The following SORCS1 variants were observed in gnomAD, a reference collection of about 807,000 sequenced individuals.
SORCS1 encodes the protein VPS10 domain-containing receptor SorCS1.
In SORCS1, 60 loss-of-function variants were observed where a neutral mutation model predicts 146.1. That is an observed-to-expected ratio of 0.41 (90% confidence interval 0.33 to 0.51). The LOEUF (loss-of-function observed/expected upper bound fraction) is 0.51, where lower values mean the gene tolerates loss of function less well. Among genes scored for constraint, SORCS1 ranks in the 20% least tolerant of loss-of-function variants. The probability of loss-of-function intolerance (pLI) is 0.21; values close to 1 mark genes in which losing one functional copy is unlikely to be tolerated. For synonymous variants in SORCS1, 637 were observed against 584.0 expected, an observed-to-expected ratio of 1.09 and a Z score of -1.31; for missense variants, 1,352 against 1,487.6, an observed-to-expected ratio of 0.91 and a Z score of 1.50.
chr10:107,055,775 C>G lies in SORCS1; in HGVS notation c.559-99195G>C, dbSNP rs556791150. 9.9e-5 allele frequency among the ~76,000 whole-genome samples: 15 copies of G among 152,078 alleles called. No homozygotes were observed. The South Asian group carries it at 2.9e-3, about 29-fold the overall frequency. The stretch of plus-strand genomic sequence containing the variant: ...CTTGTGGTTTCTTCAGAAATAGAGA[C>G]GAGATCAGGATATACCAGGCACCAG... On this transcript the variant is annotated intron_variant, in intron 1 of 25. Transcript: ENST00000263054.
At chr10:107,179,904 CTTTTTTTTTTT>C in the SORCS1 span, among the ~76,000 whole-genome samples, 5 of 51,284 alleles carry the variant, frequency 9.7e-5, no homozygotes, top group South Asian at 2.6e-3. Context: ...ACAAAACAGA[CTTTTTTTTTTT>C]TTTTTTTTTT....
chr10:106,673,136 CT>C (rs11397124), intron 14 of SORCS1, 151 bp from the exon 15 acceptor site: 6,666 of 436,634 alleles, frequency 0.015, no homozygotes, highest in South Asian at 0.023. Flanking sequence ...GAAGAGGGTA[CT>C]TTTTTTTTTT....
chr10:107,093,733 A>G lies in SORCS1; in HGVS notation c.558+70236T>C, dbSNP rs536075638. ...TCACTCCCTGTTTGAAATCTCCCTC[A>G]GAATAAAAGCCACATTCCCTATGGT... On this transcript the variant is annotated intron_variant, in intron 1 of 25. Coordinates refer to ENST00000263054, the MANE Select transcript of SORCS1 (RefSeq NM_052918.5). Among the ~76,000 whole-genome samples, 539 of 151,442 alleles carry G rather than the reference A, an allele frequency of 3.6e-3. 3 individuals carry two copies. The highest frequency in any genetic ancestry group is 6.1e-3 in the Non-Finnish European group (415 of 67,944).
chr10:107,088,757 A>T (rs1963955486), intron 1 of SORCS1, among the ~76,000 whole-genome samples: 1 of 152,212 alleles, frequency 6.6e-6, no homozygotes, highest in Non-Finnish European at 1.5e-5. Context: ...AGTTTGAGTT[A>T]CATAAATGGT....
chr10:106,924,764 A>ATTTTT (rs368269912), intron 2 of SORCS1, among the ~76,000 whole-genome samples: 2 of 99,914 alleles, frequency 2.0e-5, no homozygotes, highest in Admixed American at 1.0e-4. Flanking sequence ...AACTGCATGG[A>ATTTTT]TTTTTTTTTT....
chr10:106,902,559 G>T (rs535749334), intron 2 of SORCS1, among the ~76,000 whole-genome samples: 3 of 152,214 alleles, frequency 2.0e-5, no homozygotes, highest in East Asian at 1.9e-4. Context: ...TATATGGCAT[G>T]AACTTATTTT....
intron 1 of SORCS1, among the ~76,000 whole-genome samples, chr10:107,059,911 G>A (rs1961016310): frequency 6.6e-6 from 1 of 151,648 alleles, no homozygotes; most frequent in African/African-American, 2.4e-5. Context: ...TCTACTCACA[G>A]ACTTGAGAGT....
intron 18 of SORCS1, among the ~76,000 whole-genome samples, chr10:106,630,787 T>C (rs1848397161): frequency 6.6e-6 from 1 of 152,074 alleles, no homozygotes; most frequent in Non-Finnish European, 1.5e-5. Context: ...ATTGTAGGAT[T>C]CCAAATTTCC....
chr10:106,944,508 T>C (rs942984746), intron 2 of SORCS1, among the ~76,000 whole-genome samples: 2 of 152,210 alleles, frequency 1.3e-5, no homozygotes, highest in Non-Finnish European at 1.5e-5. Context: ...ACTTCTACTA[T>C]GGCACTTGAC....
chr10:107,178,504 T>A, the SORCS1 span, among the ~76,000 whole-genome samples: 74,912 of 145,138 alleles, frequency 0.52, 19,505 homozygotes, highest in Middle Eastern at 0.66. Flanking sequence ...ATATATATAT[T>A]TTTTTTTAAG....
chr10:107,143,415 C>G (rs939533366), intron 1 of SORCS1, among the ~76,000 whole-genome samples: 2 of 152,148 alleles, frequency 1.3e-5, no homozygotes, highest in Non-Finnish European at 2.9e-5. Context: ...GCAACTTACA[C>G]CTCCAGGGCT....
intron 24 of SORCS1, among the ~76,000 whole-genome samples, chr10:106,589,874 A>G (rs747944171): frequency 2.9e-5 from 4 of 136,138 alleles, no homozygotes; most frequent in Non-Finnish European, 4.5e-5. Flanking sequence ...AAACCCCAAA[A>G]TCCTTCTAGC....
intron 3 of SORCS1, among the ~76,000 whole-genome samples, chr10:106,800,777 G>C (rs1001705015): frequency 2.0e-5 from 3 of 152,072 alleles, no homozygotes; most frequent in Non-Finnish European, 4.4e-5. Context: ...TCCTGACCTT[G>C]TGATCTGCCT....
At chr10:106,861,784 G>C (rs1471604463) in intron 2 of SORCS1, among the ~76,000 whole-genome samples, 1 of 152,120 alleles carries the variant, frequency 6.6e-6, no homozygotes, top group Non-Finnish European at 1.5e-5. Flanking sequence ...AGCTACTCGG[G>C]AGGCTGAGGC....
At chr10:107,110,429 C>A (rs962060254) in intron 1 of SORCS1, among the ~76,000 whole-genome samples, 3 of 152,084 alleles carry the variant, frequency 2.0e-5, no homozygotes, top group African/African-American at 4.8e-5. Context: ...CCTCAGGGAG[C>A]TTTCAATCAT....
intron 17 of SORCS1, among the ~76,000 whole-genome samples, chr10:106,654,196 A>T (rs1426346846): frequency 1.1e-4 from 16 of 152,204 alleles, no homozygotes; most frequent in Admixed American, 1.0e-3. Flanking sequence ...ATATTTAGAG[A>T]GTGCTTACTA....
chr10:107,034,904 ACT>A (rs1958829555), intron 1 of SORCS1, among the ~76,000 whole-genome samples: 1 of 151,696 alleles, frequency 6.6e-6, no homozygotes, highest in Non-Finnish European at 1.5e-5. Flanking sequence ...TAATCTATTC[ACT>A]CATTTTTAAC....
At chr10:107,051,488 G>A (rs1960115973) in intron 1 of SORCS1, among the ~76,000 whole-genome samples, 1 of 152,076 alleles carries the variant, frequency 6.6e-6, no homozygotes, top group South Asian at 2.1e-4. Flanking sequence ...AACGCCAATG[G>A]GTGTATGAAG....
intron 2 of SORCS1, among the ~76,000 whole-genome samples, chr10:106,927,216 C>T (rs886475767): frequency 1.3e-5 from 2 of 152,092 alleles, no homozygotes; most frequent in African/African-American, 4.8e-5. Flanking sequence ...TTAAAGGCAG[C>T]GTGTCCGGAG....
Sources: allele counts gnomAD v4.1 joint callset (sites outside exome capture counted in the v4.1 genomes callset), GRCh38; gene constraint gnomAD v4.1.1; transcripts MANE v1.5; gene names NCBI Gene and HGNC (gene_info 2026-07-23, HGNC 2026-07-21).